The following PARD3 variants were observed in gnomAD, a reference collection of about 807,000 sequenced individuals.
PARD3 encodes partitioning defective 3 homolog.
In PARD3, 75 loss-of-function variants were observed where a neutral mutation model predicts 155.4. The observed-to-expected ratio is 0.48, with a 90% CI of 0.40 to 0.58. PARD3 has a LOEUF of 0.58. Among genes scored for constraint, PARD3 ranks in the 20% least tolerant of loss-of-function variants. PARD3 has a pLI of 0.00. For missense variants in PARD3, 1,642 were observed against 1,721.7 expected (o/e 0.95, Z 0.82); for synonymous variants, 576 against 610.5 (o/e 0.94, Z 0.83).
At chr10:34,127,709 C>G (rs1190071670) in intron 23 of PARD3, among the ~76,000 whole-genome samples, 1 of 152,162 alleles carries the variant, frequency 6.6e-6, no homozygotes, top group Non-Finnish European at 1.5e-5. Flanking sequence ...TAAGCTCAGG[C>G]GGGGCTGTGC....
intron 2 of PARD3, among the ~76,000 whole-genome samples, chr10:34,643,906 G>A (rs2092756840): frequency 6.6e-6 from 1 of 152,194 alleles, no homozygotes; most frequent in Non-Finnish European, 1.5e-5. Context: ...AACAGAGCGA[G>A]ACCCTGTCTC....
intron 1 of PARD3, among the ~76,000 whole-genome samples, chr10:34,710,666 C>G (rs368771447): frequency 1.3e-5 from 2 of 152,174 alleles, no homozygotes; most frequent in African/African-American, 4.8e-5. Flanking sequence ...CCAGCCTCAG[C>G]GTTGCCTCAC....
At chr10:34,348,139 C>A in intron 14 of PARD3, 24 bp from the exon 15 acceptor site, 1 of 1,569,456 alleles carries the variant, frequency 6.4e-7, no homozygotes, top group Non-Finnish European at 8.6e-7. Flanking sequence ...GGTATGGGGG[C>A]AAAGAAAAAT....
chr10:34,116,769 T>C (rs1173801826), intron 24 of PARD3, among the ~76,000 whole-genome samples: 2 of 152,158 alleles, frequency 1.3e-5, no homozygotes, highest in African/African-American at 2.4e-5. Context: ...TGACTAAAAA[T>C]AGGGAGCTAC....
chr10:34,430,610 A>G (rs958651708), intron 5 of PARD3, among the ~76,000 whole-genome samples: 6 of 152,238 alleles, frequency 3.9e-5, no homozygotes, highest in African/African-American at 1.4e-4. Context: ...ATCATCTACC[A>G]TTTTGCAAAT....
At chr10:34,343,824 A>G (rs989475150) in intron 15 of PARD3, 1 of 979,802 alleles carries the variant, frequency 1.0e-6, no homozygotes, top group African/African-American at 1.8e-5. Context: ...CTACAAACTA[A>G]GTAAACTAGT....
chr10:34,168,416 A>G (rs1159333158), intron 22 of PARD3, among the ~76,000 whole-genome samples: 1 of 152,216 alleles, frequency 6.6e-6, no homozygotes, highest in Non-Finnish European at 1.5e-5. Flanking sequence ...CCTTTAATCC[A>G]GAGAACTGAG....
intron 5 of PARD3, among the ~76,000 whole-genome samples, chr10:34,430,170 A>AT (rs1461653894): frequency 1.3e-5 from 2 of 152,256 alleles, no homozygotes; most frequent in Non-Finnish European, 2.9e-5. Context: ...TTCTTGAATT[A>AT]TTGGCTATAT....
chr10:34,162,353 T>G (rs563747169), intron 22 of PARD3, among the ~76,000 whole-genome samples: 17 of 152,282 alleles, frequency 1.1e-4, no homozygotes, highest in African/African-American at 4.1e-4. Flanking sequence ...GATCCCTCTT[T>G]TTGCTGAGAG....
chr10:34,256,494 G>C (rs1954662552), intron 22 of PARD3, among the ~76,000 whole-genome samples: 1 of 152,228 alleles, frequency 6.6e-6, no homozygotes, highest in Admixed American at 6.5e-5. Flanking sequence ...GCTAAGATCA[G>C]TTTCTTGCCT....
chr10:34,570,908 A>G (rs548356676), intron 2 of PARD3, among the ~76,000 whole-genome samples: 7 of 152,326 alleles, frequency 4.6e-5, no homozygotes, highest in African/African-American at 1.7e-4. Flanking sequence ...CCTAGACCAC[A>G]TTCTTGTAAG....
intron 21 of PARD3, among the ~76,000 whole-genome samples, chr10:34,281,078 G>A (rs979843033): frequency 6.6e-6 from 1 of 151,922 alleles, no homozygotes; most frequent in African/African-American, 2.4e-5. Context: ...TGTGATGCTT[G>A]GTCGACAGAG....
intron 5 of PARD3, among the ~76,000 whole-genome samples, chr10:34,432,561 T>C (rs1246452016): frequency 1.3e-5 from 2 of 152,160 alleles, no homozygotes; most frequent in South Asian, 2.1e-4. Context: ...CTACTCATGA[T>C]TTCACAGGGG....
chr10:34,579,773 C>T (rs565146798), intron 2 of PARD3, among the ~76,000 whole-genome samples: 1 of 151,844 alleles, frequency 6.6e-6, no homozygotes, highest in Non-Finnish European at 1.5e-5. Context: ...GACTGGGTTT[C>T]ACCATGTTGG....
chr10:34,217,853 T>A (rs778152421), intron 22 of PARD3, among the ~76,000 whole-genome samples: 2 of 151,782 alleles, frequency 1.3e-5, no homozygotes, highest in Non-Finnish European at 2.9e-5. Context: ...AAGAGGGAGG[T>A]AGACACCAAA....
At chr10:34,323,035 C>A (rs945662545) in intron 19 of PARD3, among the ~76,000 whole-genome samples, 1 of 152,180 alleles carries the variant, frequency 6.6e-6, no homozygotes, top group African/African-American at 2.4e-5. Context: ...AATCCACTGA[C>A]CACTACCAAT....
chr10:34,754,259 G>A (rs1017213309), intron 1 of PARD3, among the ~76,000 whole-genome samples: 4 of 152,184 alleles, frequency 2.6e-5, no homozygotes, highest in East Asian at 1.9e-4. Context: ...TCTTGCCTCA[G>A]CCTCCCAAAG....
At chr10:34,565,260 CTTTTTTTTTTTTTTT>C (rs59606413) in intron 2 of PARD3, among the ~76,000 whole-genome samples, 3 of 39,666 alleles carry the variant, frequency 7.6e-5, no homozygotes, top group East Asian at 8.5e-4. Flanking sequence ...AGGAGCAAGG[CTTTTTTTTTTTTTTT>C]TTTTTTTTTT....
At chr10:34,762,290 CAG>C (rs112792993) in intron 1 of PARD3, among the ~76,000 whole-genome samples, 40,383 of 144,208 alleles carry the variant, frequency 0.28, 5,356 homozygotes, top group East Asian at 0.52. Context: ...GACAGAGAGA[CAG>C]AGAGAGAGAG....
Sources: allele counts gnomAD v4.1 joint callset (sites outside exome capture counted in the v4.1 genomes callset), GRCh38; gene constraint gnomAD v4.1.1; transcripts MANE v1.5; gene names NCBI Gene and HGNC (gene_info 2026-07-23, HGNC 2026-07-21).